The following AKAP6 variants were observed in gnomAD, a reference collection of about 807,000 sequenced individuals.
AKAP6 encodes the protein A-kinase anchoring protein 6, also known as A-kinase anchor protein 6.
A neutral mutation model predicts 188.5 loss-of-function variants in AKAP6; 58 were observed. That is an observed-to-expected ratio of 0.31 (90% CI 0.25 to 0.38). The LOEUF (loss-of-function observed/expected upper bound fraction) is 0.38, where lower values mean the gene tolerates loss of function less well. Ranked by LOEUF, AKAP6 falls within the 10% of genes least tolerant of loss-of-function variation. AKAP6 has a pLI of 1.00. For synonymous variants in AKAP6, 989 were observed against 998.6 expected, an observed-to-expected ratio of 0.99 and a Z score of 0.18; for missense variants, 2,710 against 2,740.0, an observed-to-expected ratio of 0.99 and a Z score of 0.24.
At position 32,718,035 on chromosome 14, in the gene AKAP6, C is replaced by G. The variant is rs932667499; in HGVS notation, c.3001-14419C>G. On this transcript the variant is annotated intron_variant, in intron 9 of 13. Transcript: ENST00000280979. ...ATTTACATTATACTCTTAGGGCCCA[C>G]CAATTTCTTCAGACTTCTGGACTGA... 2.0e-5 allele frequency among the ~76,000 whole-genome samples: 3 copies of G among 152,052 alleles called. No individual in the cohort carries two copies. The East Asian group carries it at 5.8e-4, about 29-fold the overall frequency.
At chr14:32,518,713 G>C (rs925363802) in intron 2 of AKAP6, among the ~76,000 whole-genome samples, 1 of 152,152 alleles carries the variant, frequency 6.6e-6, no homozygotes, top group Admixed American at 6.5e-5. Flanking sequence ...CCAAATCTAC[G>C]TCTGATTGGT....
chr14:32,624,043 C>A (rs1253763087), intron 7 of AKAP6, among the ~76,000 whole-genome samples: 1 of 152,052 alleles, frequency 6.6e-6, no homozygotes, highest in African/African-American at 2.4e-5. Context: ...GCTGAAAATG[C>A]AGCGGGATGG....
chr14:32,413,368 G>A (rs1335375789), intron 1 of AKAP6, among the ~76,000 whole-genome samples: 3 of 151,602 alleles, frequency 2.0e-5, no homozygotes, highest in African/African-American at 4.8e-5. Flanking sequence ...ATTGTTTGTA[G>A]CAATGGGTCT....
intron 12 of AKAP6, among the ~76,000 whole-genome samples, chr14:32,779,604 C>T (rs2140013117): frequency 6.6e-6 from 1 of 151,860 alleles, no homozygotes; most frequent in South Asian, 2.1e-4. Context: ...ATAAAGATGC[C>T]AATTAATCAA....
intron 3 of AKAP6, among the ~76,000 whole-genome samples, chr14:32,540,168 C>CTCTCTCTCTCTCTCTCTCTA (rs1240063339): frequency 1.3e-4 from 8 of 60,916 alleles, no homozygotes; most frequent in African/African-American, 7.8e-4. Flanking sequence ...CTCTCTCTCT[C>CTCTCTCTCTCTCTCTCTCTA]TATATATATA....
chr14:32,510,849 A>G (rs1170979266), intron 2 of AKAP6, among the ~76,000 whole-genome samples: 1 of 152,154 alleles, frequency 6.6e-6, no homozygotes, highest in Admixed American at 6.5e-5. Flanking sequence ...CTCTGGAGTC[A>G]TGCTGGCCAA....
intron 1 of AKAP6, among the ~76,000 whole-genome samples, chr14:32,429,768 G>A (rs3784188): frequency 0.41 from 61,743 of 152,182 alleles, 18,119 homozygotes; most frequent in African/African-American, 0.83. Flanking sequence ...CTGATCAGTT[G>A]AATGTGGAAA....
At chr14:32,423,337 GT>G (rs1310416327) in intron 1 of AKAP6, among the ~76,000 whole-genome samples, 2 of 151,786 alleles carry the variant, frequency 1.3e-5, no homozygotes. Context: ...GCCTGGCTAA[GT>G]TTTTGTATTT....
chr14:32,779,246 T>A (rs2033163151), intron 12 of AKAP6, among the ~76,000 whole-genome samples: 2 of 150,202 alleles, frequency 1.3e-5, no homozygotes, highest in African/African-American at 4.9e-5. Flanking sequence ...AAAATAAAAA[T>A]AAAAAATTAG....
rs994822203 is a variant in AKAP6 at position 32,823,515 on chromosome 14, G to C, written c.5702G>C (p.Gly1901Ala). 1.2e-6 allele frequency: 2 copies of C among 1,613,772 alleles called. No individual in the cohort carries two copies. Among genetic ancestry groups the C allele is most frequent in the Non-Finnish European group, 1.7e-6 (2 of 1,179,878 alleles). The change falls in exon 13 of 14, where the codon GGT becomes GCT. Residue 1901 changes from glycine (G) to alanine (A), a missense_variant. This residue lies in a region of AKAP6 where 2,473 missense variants were observed against 2,426.1 expected (regional missense o/e 1.02). Transcript: ENST00000280979. ...GACATGGAAAATGGCAATATTGAAGGTATTCCAGAAAGGCAAAAGGGAAAA... is the reference window on the plus strand; with the variant it reads ...GACATGGAAAATGGCAATATTGAAGCTATTCCAGAAAGGCAAAAGGGAAAA... ...VADMENGNIEGIPERQKGKPN... is the reference protein window; with the variant it reads ...VADMENGNIEAIPERQKGKPN...
At chr14:32,468,907 A>T (rs1388977248) in intron 2 of AKAP6, among the ~76,000 whole-genome samples, 1 of 152,138 alleles carries the variant, frequency 6.6e-6, no homozygotes, top group Non-Finnish European at 1.5e-5. Flanking sequence ...GTTTTAAGTG[A>T]TTATTAATAA....
chr14:32,524,959 G>T (rs1042951272), intron 2 of AKAP6, among the ~76,000 whole-genome samples: 2 of 152,254 alleles, frequency 1.3e-5, no homozygotes, highest in East Asian at 1.9e-4. Flanking sequence ...CAAGCACACT[G>T]CAAGGTAAGA....
At chr14:32,652,272 C>T (rs1474161512) in intron 7 of AKAP6, among the ~76,000 whole-genome samples, 1 of 152,184 alleles carries the variant, frequency 6.6e-6, no homozygotes, top group Admixed American at 6.5e-5. Context: ...CTGTTCTTCT[C>T]CCCTTTTGTT....
intron 12 of AKAP6, among the ~76,000 whole-genome samples, chr14:32,798,869 A>C (rs888340632): frequency 2.0e-5 from 3 of 152,106 alleles, no homozygotes; most frequent in African/African-American, 7.3e-5. Context: ...TCTGAACCTA[A>C]AATAAAAGTT....
intron 2 of AKAP6, among the ~76,000 whole-genome samples, chr14:32,496,976 G>C (rs1186629748): frequency 6.6e-6 from 1 of 152,034 alleles, no homozygotes; most frequent in Non-Finnish European, 1.5e-5. Flanking sequence ...TAACTTCTTT[G>C]TTTGGTCTCT....
rs1431100279 is a variant in AKAP6, at chr14:32,831,058, AT to A, written c.*1256del. ...AATAAACATTTATACTAGATTTTTT[AT>A]TTCCACTTATCATTAATGATTTAAT... On this transcript the variant is annotated 3_prime_UTR_variant, in exon 14 of 14. Transcript: ENST00000280979. The A allele has an allele frequency of 6.6e-6, 1 of 152,154 alleles. No homozygotes were observed. Among genetic ancestry groups the A allele is most frequent in the African/African-American group, 2.4e-5 (1 of 41,444 alleles). The allele number at this position is 152,154 out of a possible 1,614,324, so 9.4% of individuals were successfully genotyped here.
intron 7 of AKAP6, among the ~76,000 whole-genome samples, chr14:32,657,710 C>T (rs1156638558): frequency 6.7e-6 from 1 of 149,626 alleles, no homozygotes; most frequent in Non-Finnish European, 1.5e-5. Context: ...TTTAAAAGCT[C>T]ACCATTTTTT....
chr14:32,781,246 G>A (rs777332215), intron 12 of AKAP6, among the ~76,000 whole-genome samples: 18 of 151,346 alleles, frequency 1.2e-4, no homozygotes, highest in Non-Finnish European at 2.2e-4. Flanking sequence ...TCAGGAATAA[G>A]AGACAGACAT....
rs2034463402 is a variant in AKAP6 at position 32,819,363 on chromosome 14, T to C, written c.3589-2039T>C. ...ATTAGTTTCAGGAAGGATTGAGGGC[T>C]TCTTAGGAAAGTTTGCTAACATGCT... On this transcript the variant is annotated intron_variant, in intron 12 of 13. Coordinates refer to ENST00000280979, the MANE Select transcript of AKAP6 (RefSeq NM_004274.5). Among the ~76,000 whole-genome samples, 5 of 152,314 alleles carry C rather than the reference T, an allele frequency of 3.3e-5. No individual in the cohort carries two copies. The South Asian group carries it at 1.0e-3, about 32-fold the overall frequency.
Sources: allele counts gnomAD v4.1 joint callset (sites outside exome capture counted in the v4.1 genomes callset), GRCh38; gene constraint gnomAD v4.1.1; regional missense constraint gnomAD v4.1.1; transcripts MANE v1.5; gene names NCBI Gene and HGNC (gene_info 2026-07-23, HGNC 2026-07-21).